FGD6: variants seen among roughly 807,000 people sequenced by gnomAD.
FGD6 encodes the protein FYVE, RhoGEF and PH domain-containing protein 6.
A neutral mutation model predicts 149.4 loss-of-function variants in FGD6; 90 were observed. That is an observed-to-expected ratio of 0.60 (90% CI 0.51 to 0.72). The LOEUF is 0.72. Ranked by LOEUF, FGD6 falls within the 30% of genes least tolerant of loss-of-function variation. FGD6 has a pLI of 0.00. For missense variants in FGD6, 1,437 were observed against 1,684.8 expected (o/e 0.85, Z 2.57); for synonymous variants, 527 against 584.0 (o/e 0.90, Z 1.41).
intron 2 of FGD6, among the ~76,000 whole-genome samples, chr12:95,185,785 TG>T (rs772260179): frequency 5.9e-5 from 9 of 152,124 alleles, no homozygotes; most frequent in Non-Finnish European, 1.2e-4. Flanking sequence ...TGCTTGAACC[TG>T]GGAGGCAGAG....
rs1877654759 is a variant in FGD6 at position 95,080,988 on chromosome 12, G to A, written c.*532C>T. Reference sequence around the variant, plus strand: ...ATTTCAGTTCACAGTTACTGAGGTAGAAGCTGGCCATGTTTTTCCACTAAA... The same window carrying A: ...ATTTCAGTTCACAGTTACTGAGGTAAAAGCTGGCCATGTTTTTCCACTAAA... On this transcript the variant is annotated 3_prime_UTR_variant, in exon 21 of 21. Coordinates refer to ENST00000343958, the MANE Select transcript of FGD6 (RefSeq NM_018351.4). 6.6e-6 allele frequency: 1 copy of A among 151,950 alleles called. No individual in the cohort carries two copies. Among genetic ancestry groups the A allele is most frequent in the Non-Finnish European group, 1.5e-5 (1 of 68,032 alleles). The allele number at this position is 151,950 out of a possible 1,614,324, so 9.4% of individuals were successfully genotyped here.
intron 8 of FGD6, among the ~76,000 whole-genome samples, chr12:95,133,317 C>A (rs1001396179): frequency 3.9e-5 from 6 of 152,296 alleles, no homozygotes; most frequent in Admixed American, 3.3e-4. Context: ...ACACAGGAGG[C>A]TGAGGCAGGA....
intron 14 of FGD6, among the ~76,000 whole-genome samples, chr12:95,104,433 T>TA (rs145761495): frequency 6.7e-5 from 10 of 150,304 alleles, no homozygotes; most frequent in Non-Finnish European, 1.2e-4. Flanking sequence ...ACCCCATCTC[T>TA]AAAAAAAAAA....
rs1426758871 is a variant in FGD6, at chr12:95,080,234, G to T, written c.*1286C>A. On this transcript the variant is annotated 3_prime_UTR_variant, in exon 21 of 21. Transcript: ENST00000343958. ...CCCAAAATGCTGAGATTGTAGGTGT[G>T]AGCCACCGCTCATGGCAGTTAAGAT... The T allele has an allele frequency of 6.6e-6, 1 of 152,152 alleles. No homozygotes were observed. Among genetic ancestry groups the T allele is most frequent in the African/African-American group, 2.4e-5 (1 of 41,426 alleles). The allele number at this position is 152,152 out of a possible 1,614,324, so 9.4% of individuals were successfully genotyped here. A position where few individuals can be genotyped will look rare whatever the true frequency, so the allele number is the denominator to read the frequency against.
At chr12:95,106,174 C>A (rs1348511012) in intron 13 of FGD6, among the ~76,000 whole-genome samples, 3 of 151,962 alleles carry the variant, frequency 2.0e-5, no homozygotes, top group Non-Finnish European at 4.4e-5. Flanking sequence ...GTTGCCCAGG[C>A]TGGTCTCTAA....
At chr12:95,194,240 A>G (rs1021269217) in intron 2 of FGD6, among the ~76,000 whole-genome samples, 3 of 150,180 alleles carry the variant, frequency 2.0e-5, no homozygotes, top group African/African-American at 7.4e-5. Flanking sequence ...TCCATTTTAT[A>G]TAACTTTTTT....
rs78481495 is a variant in FGD6 at position 95,210,076 on chromosome 12, G to A, written c.1208C>T (p.Ala403Val). 4,676 of 1,614,024 alleles carry A rather than the reference G, an allele frequency of 2.9e-3. 122 individuals are homozygous for A. In the African/African-American group the frequency reaches 0.054, roughly 19 times the overall value. Residue 403 changes from alanine to valine, a missense_variant, in exon 2 of 21, where the codon GCC becomes GTC. Physicochemically the swap from Ala to Val is moderately conservative, Grantham distance 64 (BLOSUM62 0). Transcript: ENST00000343958. Reference sequence around the variant, plus strand: ...AAAGGAAGTTGTTTCATTACACATGGCTTTCTGTGAATTGACTAAGTCCTG... The same window carrying A: ...AAAGGAAGTTGTTTCATTACACATGACTTTCTGTGAATTGACTAAGTCCTG... ...DAQDLVNSQK[A>V]MCNETTSFEK...
intron 2 of FGD6, among the ~76,000 whole-genome samples, chr12:95,183,329 C>A (rs932589795): frequency 1.3e-5 from 2 of 152,196 alleles, no homozygotes; most frequent in Non-Finnish European, 2.9e-5. Flanking sequence ...AGGAGTGACC[C>A]CCACCCTCTT....
intron 2 of FGD6, among the ~76,000 whole-genome samples, chr12:95,205,943 A>G (rs1283620091): frequency 6.6e-6 from 1 of 152,196 alleles, no homozygotes; most frequent in Non-Finnish European, 1.5e-5. Flanking sequence ...GACAGCCTAT[A>G]ACCTGTCCAA....
At chr12:95,096,266 C>G (rs145189073) in intron 14 of FGD6, among the ~76,000 whole-genome samples, 1,624 of 152,074 alleles carry the variant, frequency 0.011, 24 homozygotes, top group African/African-American at 0.038. Flanking sequence ...TTAGAGAACC[C>G]AGGTCAGATC....
intron 8 of FGD6, among the ~76,000 whole-genome samples, chr12:95,124,047 G>A (rs1196530832): frequency 1.3e-5 from 2 of 151,704 alleles, no homozygotes. Context: ...CTGAGTACCT[G>A]AGACTACAGG....
intron 9 of FGD6, among the ~76,000 whole-genome samples, chr12:95,110,742 T>C (rs1878793213): frequency 6.6e-6 from 1 of 152,152 alleles, no homozygotes; most frequent in African/African-American, 2.4e-5. Flanking sequence ...TCTGGCCTGC[T>C]GGAATTCCCG....
chr12:95,174,086 G>C (rs899997256), intron 2 of FGD6, among the ~76,000 whole-genome samples: 1 of 151,994 alleles, frequency 6.6e-6, no homozygotes, highest in African/African-American at 2.4e-5. Flanking sequence ...TCATAGCCTC[G>C]TAAGGTGGGT....
chr12:95,114,501 G>A (rs1359815276), intron 8 of FGD6, among the ~76,000 whole-genome samples: 2 of 132,366 alleles, frequency 1.5e-5, no homozygotes, highest in Admixed American at 7.6e-5. Flanking sequence ...CACGTCAGAC[G>A]TGCTGCTAAA....
Position 95,137,520 on chromosome 12 carries a change from A to G in FGD6, c.2994+2T>C. ...TGTTCAACATTAGATAGTAGCAAAT[A>G]CCTCAAATTCTCTAACAACAGCAGC... is the stretch of plus-strand genomic sequence containing the variant. On this transcript the variant is annotated splice_donor_variant, in intron 7 of 20. Transcript: ENST00000343958. LOFTEE classifies it high-confidence loss of function. 1.3e-6 allele frequency: 2 copies of G among 1,566,456 alleles called. No homozygotes were observed. The highest frequency in any genetic ancestry group is 1.7e-6 in the Non-Finnish European group (2 of 1,157,116).
chr12:95,214,126 A>G (rs1463358902), intron 1 of FGD6, among the ~76,000 whole-genome samples: 3 of 152,198 alleles, frequency 2.0e-5, no homozygotes, highest in Non-Finnish European at 4.4e-5. Flanking sequence ...TGTTCAGCAT[A>G]AGACACAAGC....
intron 3 of FGD6, among the ~76,000 whole-genome samples, chr12:95,162,100 C>CAAAAAAAAAAAA (rs762218917): frequency 1.6e-5 from 1 of 61,812 alleles, no homozygotes; most frequent in Non-Finnish European, 3.2e-5. Context: ...CTGAAAAATA[C>CAAAAAAAAAAAA]AAAAAAAAAA....
intron 3 of FGD6, among the ~76,000 whole-genome samples, chr12:95,160,114 G>T (rs1475871693): frequency 6.6e-6 from 1 of 152,020 alleles, no homozygotes; most frequent in Non-Finnish European, 1.5e-5. Flanking sequence ...GGAGGCTGAG[G>T]TGGGAGGATC....
At chr12:95,141,173 AGATTGTGCCACTGCACACCAGCCTG>A in intron 6 of FGD6, among the ~76,000 whole-genome samples, 190 bp downstream of exon 6, 1 of 152,332 alleles carries the variant, frequency 6.6e-6, no homozygotes, top group East Asian at 1.9e-4. Flanking sequence ...CAGTGAGCCG[AGATTGTGCCACTGCACACCAGCCTG>A]GGCGACAGAA....
Sources: gnomAD v4.1 joint callset for allele counts (sites outside exome capture counted in the v4.1 genomes callset) on GRCh38, gnomAD v4.1.1 for gene constraint, MANE v1.5 for transcripts, NCBI Gene and HGNC (gene_info 2026-07-23, HGNC 2026-07-21) for gene names.